ZPLD1: variants seen among roughly 807,000 people sequenced by gnomAD.
ZPLD1 encodes zona pellucida-like domain-containing protein 1.
A neutral mutation model predicts 47.2 loss-of-function variants in ZPLD1; 34 were observed. That is an observed-to-expected ratio of 0.72 (90% CI 0.55 to 0.96). The LOEUF (loss-of-function observed/expected upper bound fraction) is 0.96. Among genes scored for constraint, ZPLD1 ranks in the 40% least tolerant of loss-of-function variants. The pLI is 0.00. For missense variants in ZPLD1, 512 were observed against 505.8 expected (o/e 1.01, Z -0.12); for synonymous variants, 176 against 186.2 (o/e 0.95, Z 0.45).
intron 7 of ZPLD1, among the ~76,000 whole-genome samples, chr3:102,397,202 G>A (rs1377061984): frequency 2.0e-5 from 3 of 152,068 alleles, no homozygotes; most frequent in Non-Finnish European, 4.4e-5. Context: ...TGCATACCCA[G>A]TGCCAGCTTC....
At chr3:102,456,545 A>ATATATATATATC (rs147808575) in intron 5 of ZPLD1, among the ~76,000 whole-genome samples, 171 bp downstream of exon 5, 2 of 147,144 alleles carry the variant, frequency 1.4e-5, no homozygotes, top group East Asian at 2.0e-4. Context: ...TTTATCTATT[A>ATATATATATATC]TATCTATCTA....
intron 8 of ZPLD1, among the ~76,000 whole-genome samples, chr3:102,468,146 T>C (rs1301535890): frequency 6.6e-6 from 1 of 152,112 alleles, no homozygotes; most frequent in African/African-American, 2.4e-5. Flanking sequence ...AAATAGGGAA[T>C]AATAAAAAAT....
intron 3 of ZPLD1, among the ~76,000 whole-genome samples, chr3:102,451,470 C>T (rs1199960947): frequency 6.6e-6 from 1 of 152,100 alleles, no homozygotes; most frequent in African/African-American, 2.4e-5. Context: ...GGCTTTTTAT[C>T]TAATTGGTAT....
In ZPLD1 at chr3:102,466,013, C is replaced by A. The variant is rs139826187; in HGVS notation, c.761+1762C>A. ...ACTGCTATCCCCAGGGCTGGGGAAT[C>A]TGAAGAAAAAACAGTAGAGAATGCT... On this transcript the variant is annotated intron_variant, in intron 8 of 11. Coordinates refer to ENST00000466937, the MANE Select transcript of ZPLD1 (RefSeq NM_001329788.2). Among the ~76,000 whole-genome samples the A allele has an allele frequency of 3.8e-3, 580 of 152,144 alleles. 3 individuals carry two copies. Among genetic ancestry groups the A allele is most frequent in the African/African-American group, 0.013 (554 of 41,522 alleles).
intron 4 of ZPLD1, 125 bp downstream of exon 4, chr3:102,453,264 C>T: frequency 1.2e-6 from 1 of 858,340 alleles, no homozygotes; most frequent in Non-Finnish European, 1.8e-6. Flanking sequence ...AAATCACTTT[C>T]CTTTGCCTGT....
chr3:102,428,693 A>C (rs1273188101), intron 8 of ZPLD1, among the ~76,000 whole-genome samples: 4 of 150,918 alleles, frequency 2.7e-5, no homozygotes, highest in Non-Finnish European at 5.9e-5. Context: ...AATTTGTTCA[A>C]TCTTAGGTTT....
intron 3 of ZPLD1, among the ~76,000 whole-genome samples, chr3:102,442,159 G>T (rs1397966530): frequency 6.6e-6 from 1 of 152,056 alleles, no homozygotes; most frequent in Non-Finnish European, 1.5e-5. Flanking sequence ...TAAAGTAAAT[G>T]CTGTCAGAAA....
At chr3:102,389,005 G>A (rs1706466697) in intron 6 of ZPLD1, among the ~76,000 whole-genome samples, 1 of 152,116 alleles carries the variant, frequency 6.6e-6, no homozygotes, top group Admixed American at 6.5e-5. Flanking sequence ...TATAACTTCA[G>A]TTTAACTCTT....
At chr3:102,462,416 T>A in intron 7 of ZPLD1, 38 bp downstream of exon 7, 1 of 1,396,722 alleles carries the variant, frequency 7.2e-7, no homozygotes, top group Non-Finnish European at 1.0e-6. Flanking sequence ...GTTAAAACTC[T>A]TTGACTGCCT....
intron 7 of ZPLD1, among the ~76,000 whole-genome samples, chr3:102,403,869 T>G (rs549994746): frequency 6.7e-6 from 1 of 149,740 alleles, no homozygotes; most frequent in Non-Finnish European, 1.5e-5. Context: ...CAGTTGATGA[T>G]ACAGATCACT....
At chr3:102,466,575 T>A (rs2107350878) in intron 8 of ZPLD1, among the ~76,000 whole-genome samples, 1 of 151,928 alleles carries the variant, frequency 6.6e-6, no homozygotes, top group South Asian at 2.1e-4. Context: ...AGAACTTAGG[T>A]AAGTAAGGAT....
chr3:102,426,349 C>A lies in ZPLD1; in HGVS notation c.-9+8142C>A, dbSNP rs182282657. Reference sequence around the variant, plus strand: ...CCTGGCCAACATGGTGAAACCCTGTCTCTACTAAAAATACAAAAATTAGCC... The same window carrying A: ...CCTGGCCAACATGGTGAAACCCTGTATCTACTAAAAATACAAAAATTAGCC... On this transcript the variant is annotated intron_variant, in intron 8 of 17. Transcript: ENST00000491959. Among the ~76,000 whole-genome samples the A allele has an allele frequency of 2.1e-3, 312 of 152,114 alleles. 2 individuals are homozygous for A. The highest frequency in any genetic ancestry group is 3.4e-3 in the Non-Finnish European group (234 of 67,988).
chr3:102,470,829 G>GGT (rs1357852375), intron 10 of ZPLD1, among the ~76,000 whole-genome samples: 1 of 151,742 alleles, frequency 6.6e-6, no homozygotes, highest in Non-Finnish European at 1.5e-5. Context: ...TCCAGGCTGG[G>GGT]GTGCAGTGGT....
chr3:102,391,488 G>A (rs556706037), intron 6 of ZPLD1, among the ~76,000 whole-genome samples: 2 of 151,868 alleles, frequency 1.3e-5, no homozygotes, highest in South Asian at 4.2e-4. Flanking sequence ...TCTGAATCTC[G>A]GTATAAAAAG....
At chr3:102,401,834 A>C (rs1706623336) in intron 7 of ZPLD1, among the ~76,000 whole-genome samples, 1 of 152,086 alleles carries the variant, frequency 6.6e-6, no homozygotes. Context: ...TATTTGGCAC[A>C]AAAACTGTAG....
intron 1 of ZPLD1, among the ~76,000 whole-genome samples, chr3:102,435,365 T>C (rs936481258): frequency 3.9e-5 from 6 of 152,170 alleles, no homozygotes; most frequent in African/African-American, 1.4e-4. Context: ...TCAGCACAAA[T>C]ATCATTGTAA....
chr3:102,449,974 T>G (rs1707312057), intron 3 of ZPLD1, among the ~76,000 whole-genome samples: 1 of 152,160 alleles, frequency 6.6e-6, no homozygotes, highest in African/African-American at 2.4e-5. Flanking sequence ...TTGGTTAATA[T>G]AAAACCTTTC....
At chr3:102,394,632 T>C (rs1279896186) in intron 7 of ZPLD1, among the ~76,000 whole-genome samples, 1 of 152,142 alleles carries the variant, frequency 6.6e-6, no homozygotes, top group East Asian at 1.9e-4. Flanking sequence ...TATTTTAAAA[T>C]GGGGCTGGTA....
intron 7 of ZPLD1, among the ~76,000 whole-genome samples, chr3:102,417,560 C>A (rs1706823824): frequency 6.6e-6 from 1 of 151,936 alleles, no homozygotes; most frequent in Non-Finnish European, 1.5e-5. Flanking sequence ...TTCCTCTTGA[C>A]AATTGGGTCC....
Sources: allele counts gnomAD v4.1 joint callset (sites outside exome capture counted in the v4.1 genomes callset), GRCh38; gene constraint gnomAD v4.1.1; transcripts MANE v1.5; gene names NCBI Gene and HGNC (gene_info 2026-07-23, HGNC 2026-07-21).